The following ZCCHC7 variants were observed in gnomAD, a reference collection of about 807,000 sequenced individuals.
The protein encoded by ZCCHC7 is zinc finger CCHC-type containing 7.
ZCCHC7 carries 35 observed loss-of-function variants against 52.0 expected under a neutral mutation model. The observed-to-expected ratio is 0.67, with a 90% confidence interval of 0.51 to 0.89. The LOEUF (loss-of-function observed/expected upper bound fraction) is 0.89, where lower values mean the gene tolerates loss of function less well. ZCCHC7 is among the 40% of genes least tolerant of loss of function. The pLI, the probability that ZCCHC7 is intolerant of heterozygous loss-of-function variation, is 0.00. For synonymous variants in ZCCHC7, 217 were observed against 221.5 expected, an observed-to-expected ratio of 0.98 and a Z score of 0.18; for missense variants, 574 against 649.1, an observed-to-expected ratio of 0.88 and a Z score of 1.26.
At chr9:37,125,363 G>T (rs894375381) in intron 1 of ZCCHC7, among the ~76,000 whole-genome samples, 2 of 151,880 alleles carry the variant, frequency 1.3e-5, no homozygotes, top group African/African-American at 4.8e-5. Flanking sequence ...TTACTGTGTT[G>T]CCCAGGCTGT....
intron 2 of ZCCHC7, among the ~76,000 whole-genome samples, chr9:37,294,531 A>T (rs546688915): frequency 7.9e-5 from 12 of 152,224 alleles, no homozygotes; most frequent in African/African-American, 2.2e-4. Context: ...TTGTTTTTTG[A>T]AGTCCATTTT....
At position 37,354,914 on chromosome 9, in the gene ZCCHC7, G is replaced by C. The variant is rs1821604530; in HGVS notation, c.1198+90G>C. 3.9e-6 allele frequency: 3 copies of C among 768,882 alleles called. No homozygotes were observed. The highest frequency in any genetic ancestry group is 6.2e-6 in the Non-Finnish European group (3 of 484,754). The allele number at this position is 768,882 out of a possible 1,614,324, so 47.6% of individuals were successfully genotyped here. On this transcript the variant is annotated intron_variant, in intron 8 of 8. Transcript: ENST00000336755. The surrounding 1 kb of genome is among the most constrained non-coding windows in gnomAD (Gnocchi z 4.0). ...GTCTTTGCCTGCTTTGGGGGTCATT[G>C]GTTAGCATAGAAAGTATTTTTAGTA...
chr9:37,144,774 A>C (rs542031936), intron 2 of ZCCHC7, among the ~76,000 whole-genome samples: 1 of 152,086 alleles, frequency 6.6e-6, no homozygotes, highest in East Asian at 1.9e-4. Flanking sequence ...GTCTAAAGTA[A>C]GAGCTAGTGT....
chr9:37,302,786 TC>T (rs1032441633), intron 3 of ZCCHC7, among the ~76,000 whole-genome samples: 22 of 152,232 alleles, frequency 1.4e-4, no homozygotes, highest in African/African-American at 5.3e-4. Flanking sequence ...CTTTAGATAT[TC>T]CATATGATAT....
chr9:37,327,859 T>A, intron 6 of ZCCHC7, 25 bp downstream of exon 6: 1 of 1,612,260 alleles, frequency 6.2e-7, no homozygotes, highest in Non-Finnish European at 8.5e-7. Flanking sequence ...CTTTTTTATT[T>A]TCCCCAAGAC....
intron 2 of ZCCHC7, among the ~76,000 whole-genome samples, chr9:37,277,317 C>T (rs1285405385): frequency 1.3e-5 from 2 of 152,028 alleles, no homozygotes; most frequent in Admixed American, 6.6e-5. Flanking sequence ...TATATACACA[C>T]ACATAATTGA....
At chr9:37,197,179 C>G (rs1404666934) in intron 2 of ZCCHC7, among the ~76,000 whole-genome samples, 2 of 151,942 alleles carry the variant, frequency 1.3e-5, no homozygotes, top group African/African-American at 4.8e-5. Context: ...ATTAGACTTC[C>G]CCCCACCCCC....
chr9:37,295,090 A>T (rs1241948809), intron 2 of ZCCHC7, among the ~76,000 whole-genome samples: 1 of 152,212 alleles, frequency 6.6e-6, no homozygotes, highest in Non-Finnish European at 1.5e-5. Context: ...CAGATATTAC[A>T]AAGTTGTGAG....
chr9:37,271,711 G>A (rs1242209950), intron 2 of ZCCHC7, among the ~76,000 whole-genome samples: 2 of 151,990 alleles, frequency 1.3e-5, no homozygotes, highest in African/African-American at 4.8e-5. Context: ...CTGGGACTGT[G>A]GGGGTGCGCC....
chr9:37,249,456 C>CTTTTTTTTTTTT (rs60166399), intron 2 of ZCCHC7, among the ~76,000 whole-genome samples: 82 of 111,264 alleles, frequency 7.4e-4, no homozygotes, highest in South Asian at 1.3e-3. Flanking sequence ...CTTCTTCTTC[C>CTTTTTTTTTTTT]TTTTTTTTTT....
chr9:37,357,216 A>T lies in ZCCHC7; in HGVS notation c.1580A>T (p.Asp527Val). ...KQKKKERCWE[D>V]DDNDNLFLIK... is the part of the protein sequence containing the mutation. ...AAGAAAAAGGAGAGGTGCTGGGAAG[A>T]TGATGACAATGATAACTTATTTCTT... The change falls in exon 9 of 9, where the codon GAT (aspartate) becomes GTT (valine). Residue 527 changes from aspartate to valine, a missense_variant. By Grantham distance (152) the Asp-to-Val change is radical (BLOSUM62 -3). This residue lies in a region of ZCCHC7 where 168 missense variants were observed against 171.6 expected (regional missense o/e 0.98). Transcript: ENST00000336755. 3 of 1,610,142 alleles carry T rather than the reference A, an allele frequency of 1.9e-6. No homozygotes were observed. The highest frequency in any genetic ancestry group is 1.3e-5 in the African/African-American group (1 of 74,604).
intron 2 of ZCCHC7, among the ~76,000 whole-genome samples, chr9:37,127,404 A>G (rs1842590311): frequency 1.3e-5 from 2 of 152,120 alleles, no homozygotes; most frequent in South Asian, 4.1e-4. Flanking sequence ...GAATATATGG[A>G]ATTAGTGTTA....
chr9:37,230,707 T>A (rs894092927), intron 2 of ZCCHC7, among the ~76,000 whole-genome samples: 2 of 152,206 alleles, frequency 1.3e-5, no homozygotes, highest in Non-Finnish European at 2.9e-5. Flanking sequence ...TTGCAGATCC[T>A]AGAACAGTAT....
At chr9:37,258,355 T>C (rs1306172426) in intron 2 of ZCCHC7, among the ~76,000 whole-genome samples, 1 of 152,164 alleles carries the variant, frequency 6.6e-6, no homozygotes, top group Non-Finnish European at 1.5e-5. Flanking sequence ...TCCAGGATGA[T>C]CACAGTCAGC....
intron 2 of ZCCHC7, among the ~76,000 whole-genome samples, chr9:37,193,468 A>C (rs542806166): frequency 6.6e-6 from 1 of 152,322 alleles, no homozygotes; most frequent in Admixed American, 6.5e-5. Flanking sequence ...GTCTCAGACC[A>C]ATAATTATCC....
chr9:37,188,620 C>T (rs1469741018), intron 2 of ZCCHC7, among the ~76,000 whole-genome samples: 1 of 30,582 alleles, frequency 3.3e-5, no homozygotes, highest in Non-Finnish European at 6.8e-5. Flanking sequence ...CTTCCCCCGC[C>T]CCTCCCCCTC....
intron 2 of ZCCHC7, among the ~76,000 whole-genome samples, chr9:37,219,228 A>T (rs1313244062): frequency 6.6e-6 from 1 of 152,188 alleles, no homozygotes; most frequent in Non-Finnish European, 1.5e-5. Context: ...CCAATGCCCA[A>T]TTTTTTGTAA....
intron 2 of ZCCHC7, among the ~76,000 whole-genome samples, chr9:37,255,932 T>C (rs1390210792): frequency 6.6e-6 from 1 of 152,204 alleles, no homozygotes; most frequent in Non-Finnish European, 1.5e-5. Context: ...TTAATGATTA[T>C]CACTATAACA....
intron 5 of ZCCHC7, among the ~76,000 whole-genome samples, chr9:37,314,995 C>T (rs998921569): frequency 6.6e-6 from 1 of 151,718 alleles, no homozygotes; most frequent in African/African-American, 2.4e-5. Flanking sequence ...AGTTATTCAT[C>T]TTGAAAAAAC....
Sources: gnomAD v4.1 joint callset for allele counts (sites outside exome capture counted in the v4.1 genomes callset) on GRCh38, gnomAD v4.1.1 for gene constraint, gnomAD v4.1.1 regional missense constraint, Gnocchi (gnomAD v3.1) non-coding constraint, MANE v1.5 for transcripts, NCBI Gene and HGNC (gene_info 2026-07-23, HGNC 2026-07-21) for gene names.